RANBP17: variants seen among roughly 807,000 people sequenced by gnomAD.
RANBP17 encodes ran-binding protein 17.
In RANBP17, 158 loss-of-function variants were observed where a neutral mutation model predicts 141.2. The observed-to-expected ratio is 1.12, with a 90% CI of 0.98 to 1.28. The LOEUF is 1.28. Among genes scored for constraint, RANBP17 ranks in the 50% most tolerant of loss-of-function variants. RANBP17 has a pLI of 0.00. For missense variants in RANBP17, 1,438 were observed against 1,290.7 expected (o/e 1.11, Z -1.75); for synonymous variants, 430 against 450.0 (o/e 0.96, Z 0.56).
chr5:170,917,652 T>G (rs1233618773), intron 9 of RANBP17, among the ~76,000 whole-genome samples: 1 of 152,166 alleles, frequency 6.6e-6, no homozygotes, highest in African/African-American at 2.4e-5. Context: ...TTTTCAATGT[T>G]AGTATAGTTG....
chr5:170,959,913 G>A (rs1009149729), intron 13 of RANBP17, among the ~76,000 whole-genome samples: 7 of 152,162 alleles, frequency 4.6e-5, no homozygotes, highest in African/African-American at 1.7e-4. Flanking sequence ...AAGAAAATTT[G>A]CATATAAGTG....
intron 9 of RANBP17, among the ~76,000 whole-genome samples, chr5:170,917,053 A>C (rs1772036727): frequency 6.6e-6 from 1 of 152,126 alleles, no homozygotes; most frequent in Non-Finnish European, 1.5e-5. Context: ...GTAGTTTTTA[A>C]AAATGGATGT....
chr5:171,067,170 T>C (rs1270996488), intron 14 of RANBP17, among the ~76,000 whole-genome samples: 43 of 152,150 alleles, frequency 2.8e-4, no homozygotes. Flanking sequence ...TTTTGTATAA[T>C]TTTAAAATTA....
intron 12 of RANBP17, among the ~76,000 whole-genome samples, chr5:170,947,015 A>T (rs2339183): frequency 0.61 from 93,038 of 152,024 alleles, 29,848 homozygotes; most frequent in South Asian, 0.89. Context: ...CAGGTGACTG[A>T]GAGTATTGAT....
At chr5:171,035,010 C>A (rs1377989053) in intron 14 of RANBP17, among the ~76,000 whole-genome samples, 1 of 151,332 alleles carries the variant, frequency 6.6e-6, no homozygotes, top group African/African-American at 2.4e-5. Flanking sequence ...ATAGGTTGGA[C>A]ATATGGCTAT....
At chr5:171,232,952 GTCAT>G (rs1462896979) in intron 22 of RANBP17, among the ~76,000 whole-genome samples, 1 of 152,100 alleles carries the variant, frequency 6.6e-6, no homozygotes, top group East Asian at 1.9e-4. Context: ...GTGAGTTTCA[GTCAT>G]TCATTCAACA....
Position 170,914,191 on chromosome 5 carries a change from A to G in RANBP17, c.785A>G (p.Asp262Gly). 6.2e-7 allele frequency: 1 copy of G among 1,609,574 alleles called. No homozygotes were observed. The highest frequency in any genetic ancestry group is 2.2e-5 in the East Asian group (1 of 44,776). The change falls in exon 8 of 28, where the codon GAT becomes GGT. Residue 262 changes from aspartate to glycine, a missense_variant. By Grantham distance (94) the Asp-to-Gly change is moderately conservative. Coordinates refer to ENST00000523189, the MANE Select transcript of RANBP17 (RefSeq NM_022897.5). ...GTTTTCCTGGAACCAGAAACATTGGATCTTTTCTTCAATTTGTATCATTCA... is the reference window on the plus strand; with the variant it reads ...GTTTTCCTGGAACCAGAAACATTGGGTCTTTTCTTCAATTTGTATCATTCA... ...RTIFLEPETL[D>G]LFFNLYHSLP...
rs371631801 is a variant in RANBP17, at chr5:170,934,535, A to G, written c.1468+9985A>G. 4.1e-4 allele frequency among the ~76,000 whole-genome samples: 63 copies of G among 152,284 alleles called. 1 individual carries two copies. The South Asian group carries it at 0.013, about 31-fold the overall frequency. On this transcript the variant is annotated intron_variant, in intron 12 of 27. Coordinates refer to ENST00000523189, the MANE Select transcript of RANBP17 (RefSeq NM_022897.5). ...AATCTCTCAGCTTTTGTTTGTCTGTAAAGGATTTTATTTCTCCATCACTTA... is the reference window on the plus strand; with the variant it reads ...AATCTCTCAGCTTTTGTTTGTCTGTGAAGGATTTTATTTCTCCATCACTTA...
intron 5 of RANBP17, among the ~76,000 whole-genome samples, chr5:170,908,364 C>T (rs1771243562): frequency 6.6e-6 from 1 of 151,788 alleles, no homozygotes; most frequent in Non-Finnish European, 1.5e-5. Flanking sequence ...TCCTTTGCAG[C>T]AACATGGATG....
At chr5:171,112,566 C>T (rs1004980999) in intron 14 of RANBP17, among the ~76,000 whole-genome samples, 14 of 151,926 alleles carry the variant, frequency 9.2e-5, no homozygotes, top group Non-Finnish European at 1.8e-4. Flanking sequence ...TATAGACTGT[C>T]ACCAGACTCA....
intron 14 of RANBP17, among the ~76,000 whole-genome samples, chr5:171,153,688 G>A (rs1330722444): frequency 6.6e-6 from 1 of 152,198 alleles, no homozygotes; most frequent in East Asian, 1.9e-4. Flanking sequence ...ATAGGACCAA[G>A]AGTTGCATAT....
At chr5:170,876,073 G>A (rs1382482001) in intron 1 of RANBP17, among the ~76,000 whole-genome samples, 2 of 152,284 alleles carry the variant, frequency 1.3e-5, no homozygotes, top group East Asian at 3.9e-4. Context: ...TGCACCTGGA[G>A]ATGTCACCTG....
chr5:171,289,600 A>G (rs1768365029), intron 25 of RANBP17, among the ~76,000 whole-genome samples: 1 of 152,072 alleles, frequency 6.6e-6, no homozygotes, highest in African/African-American at 2.4e-5. Context: ...TTAGCCAAGT[A>G]TGGTGGCACC....
rs1047274665 is a variant in RANBP17 at position 170,965,290 on chromosome 5, G to A, written c.1575-2952G>A. Among the ~76,000 whole-genome samples the A allele has an allele frequency of 4.0e-3, 605 of 151,070 alleles. 5 individuals are homozygous for A. Among genetic ancestry groups the A allele is most frequent in the African/African-American group, 0.014 (583 of 41,228 alleles). On this transcript the variant is annotated intron_variant, in intron 13 of 27. Transcript: ENST00000523189. Reference sequence around the variant, plus strand: ...TTTGTTTGAGTTCATTGTAGATTCTGGATATTAGCCCTTTGTCAGATGAGT... The same window carrying A: ...TTTGTTTGAGTTCATTGTAGATTCTAGATATTAGCCCTTTGTCAGATGAGT...
intron 13 of RANBP17, among the ~76,000 whole-genome samples, chr5:170,959,834 A>T (rs1355368997): frequency 6.6e-6 from 1 of 152,216 alleles, no homozygotes; most frequent in Non-Finnish European, 1.5e-5. Flanking sequence ...TCTTCATCTT[A>T]AACATTGGGT....
At chr5:171,106,546 G>A (rs1754852081) in intron 14 of RANBP17, among the ~76,000 whole-genome samples, 1 of 152,144 alleles carries the variant, frequency 6.6e-6, no homozygotes, top group African/African-American at 2.4e-5. Flanking sequence ...GGAAAATGAT[G>A]GAAGTAGTAT....
chr5:171,074,101 A>G (rs1032265619), intron 14 of RANBP17, among the ~76,000 whole-genome samples: 7 of 152,184 alleles, frequency 4.6e-5, no homozygotes, highest in Non-Finnish European at 7.3e-5. Context: ...GAAAAAAGGA[A>G]TAACTTTATA....
At chr5:170,916,971 C>T (rs1283855141) in intron 9 of RANBP17, among the ~76,000 whole-genome samples, 1 of 152,142 alleles carries the variant, frequency 6.6e-6, no homozygotes, top group Non-Finnish European at 1.5e-5. Context: ...CTGCCTCGGC[C>T]TCCCAAAGTG....
intron 6 of RANBP17, chr5:170,910,703 T>C (rs918793324): frequency 2.8e-6 from 1 of 362,132 alleles, no homozygotes; most frequent in Non-Finnish European, 5.0e-6. Flanking sequence ...ATCTTGGAAA[T>C]AGGATTGTTC....
Sources: allele counts gnomAD v4.1 joint callset (sites outside exome capture counted in the v4.1 genomes callset), GRCh38; gene constraint gnomAD v4.1.1; transcripts MANE v1.5; gene names NCBI Gene and HGNC (gene_info 2026-07-23, HGNC 2026-07-21).